JAZF1: variants seen among roughly 807,000 people sequenced by gnomAD.
JAZF1 encodes juxtaposed with another zinc finger protein 1.
JAZF1 carries 8 observed loss-of-function variants against 26.4 expected under a neutral mutation model. The observed-to-expected ratio is 0.30, with a 90% CI of 0.18 to 0.55. The LOEUF (loss-of-function observed/expected upper bound fraction) is 0.55. JAZF1 is among the 20% of genes least tolerant of loss of function. JAZF1 has a pLI of 0.94. For missense variants in JAZF1, 199 were observed against 322.0 expected (o/e 0.62, Z 2.92); for synonymous variants, 126 against 122.3 (o/e 1.03, Z -0.20).
At chr7:27,912,334 C>T (rs1166257502) in intron 2 of JAZF1, among the ~76,000 whole-genome samples, 2 of 152,294 alleles carry the variant, frequency 1.3e-5, no homozygotes, top group African/African-American at 2.4e-5. Context: ...GAGAAAAAGT[C>T]GACTCCTTTT....
intron 3 of JAZF1, among the ~76,000 whole-genome samples, chr7:27,887,892 A>T (rs1783896791): frequency 6.6e-6 from 1 of 152,230 alleles, no homozygotes. Flanking sequence ...CTGGGGAAGC[A>T]GAATTAGCCA....
chr7:28,038,958 A>G (rs1397276877), intron 1 of JAZF1, among the ~76,000 whole-genome samples: 1 of 152,210 alleles, frequency 6.6e-6, no homozygotes, highest in Non-Finnish European at 1.5e-5. Context: ...ACAAAGCAGA[A>G]TGTAAGCAGG....
chr7:28,065,679 A>T (rs1783869874), intron 1 of JAZF1, among the ~76,000 whole-genome samples: 1 of 152,168 alleles, frequency 6.6e-6, no homozygotes, highest in African/African-American at 2.4e-5. Flanking sequence ...GGTTAATGTG[A>T]TAGCTAAAGA....
At chr7:28,032,731 T>C (rs759090933) in intron 1 of JAZF1, among the ~76,000 whole-genome samples, 39 of 152,276 alleles carry the variant, frequency 2.6e-4, no homozygotes, top group Admixed American at 7.2e-4. Context: ...CACAAAAAGA[T>C]TGAAAGCTTT....
chr7:28,044,956 G>A (rs1583527668), intron 1 of JAZF1, among the ~76,000 whole-genome samples: 1 of 152,122 alleles, frequency 6.6e-6, no homozygotes, highest in South Asian at 2.1e-4. Flanking sequence ...AAAAGCAAAT[G>A]AGAAGGAGTT....
At chr7:28,141,386 G>T (rs1464283010) in intron 1 of JAZF1, among the ~76,000 whole-genome samples, 1 of 152,216 alleles carries the variant, frequency 6.6e-6, no homozygotes, top group Non-Finnish European at 1.5e-5. Context: ...TGGAATGCCA[G>T]AAAATTCCTG....
At chr7:28,077,347 A>G (rs936536331) in intron 1 of JAZF1, among the ~76,000 whole-genome samples, 2 of 152,200 alleles carry the variant, frequency 1.3e-5, no homozygotes, top group African/African-American at 4.8e-5. Context: ...TGTGCAATAC[A>G]TTAATCCGCC....
At chr7:27,856,100 C>T (rs1021672902) in intron 3 of JAZF1, among the ~76,000 whole-genome samples, 2 of 152,192 alleles carry the variant, frequency 1.3e-5, no homozygotes, top group East Asian at 1.9e-4. Context: ...AATGAAGCTG[C>T]GGACCCTCGT....
intron 1 of JAZF1, among the ~76,000 whole-genome samples, chr7:28,010,904 C>G (rs1470505560): frequency 6.6e-6 from 1 of 152,152 alleles, no homozygotes; most frequent in South Asian, 2.1e-4. Flanking sequence ...GTCTGAATTC[C>G]CATTCTGGGG....
chr7:28,040,495 A>G (rs1783370904), intron 1 of JAZF1, among the ~76,000 whole-genome samples: 1 of 152,216 alleles, frequency 6.6e-6, no homozygotes, highest in Non-Finnish European at 1.5e-5. Flanking sequence ...GTCCTAAATG[A>G]TCAGCAGTTG....
At chr7:27,913,155 C>T (rs1784387362) in intron 2 of JAZF1, among the ~76,000 whole-genome samples, 1 of 151,302 alleles carries the variant, frequency 6.6e-6, no homozygotes, top group African/African-American at 2.4e-5. Context: ...CCTCATTAGG[C>T]CTTATGGGAC....
chr7:28,079,185 G>T (rs2127914848), intron 1 of JAZF1, among the ~76,000 whole-genome samples: 1 of 152,158 alleles, frequency 6.6e-6, no homozygotes, highest in East Asian at 1.9e-4. Flanking sequence ...TAGAGACAGG[G>T]TTTCACCAAG....
chr7:28,066,819 T>A (rs543172354), intron 1 of JAZF1, among the ~76,000 whole-genome samples: 1 of 152,010 alleles, frequency 6.6e-6, no homozygotes, highest in Non-Finnish European at 1.5e-5. Flanking sequence ...AAAACTCTAA[T>A]TGGAAAATCA....
intron 2 of JAZF1, among the ~76,000 whole-genome samples, chr7:27,914,166 A>C (rs1784407621): frequency 6.6e-6 from 1 of 152,156 alleles, no homozygotes; most frequent in Admixed American, 6.5e-5. Context: ...ATACTTGTAA[A>C]CTGGAAAGTT....
chr7:27,843,340 G>A (rs937007682), intron 3 of JAZF1: 7 of 152,224 alleles, frequency 4.6e-5, no homozygotes, highest in Non-Finnish European at 8.8e-5. Context: ...AAGCCACTTG[G>A]CTTTTATTTT....
At chr7:28,096,941 A>G (rs1333366730) in intron 1 of JAZF1, among the ~76,000 whole-genome samples, 1 of 152,230 alleles carries the variant, frequency 6.6e-6, no homozygotes, top group African/African-American at 2.4e-5. Flanking sequence ...GTTGTGGAAA[A>G]TATTACCAAG....
chr7:28,139,395 A>C (rs555591126), intron 1 of JAZF1, among the ~76,000 whole-genome samples: 1 of 152,340 alleles, frequency 6.6e-6, no homozygotes, highest in South Asian at 2.1e-4. Context: ...GGGTCATTGC[A>C]GATATAATTA....
At chr7:28,040,841 A>G (rs1382957969) in intron 1 of JAZF1, among the ~76,000 whole-genome samples, 1 of 152,210 alleles carries the variant, frequency 6.6e-6, no homozygotes, top group East Asian at 1.9e-4. Flanking sequence ...GAAGACCACA[A>G]TTCTCTAACA....
At chr7:27,849,027 G>A (rs1783080774) in intron 3 of JAZF1, among the ~76,000 whole-genome samples, 1 of 152,198 alleles carries the variant, frequency 6.6e-6, no homozygotes, top group African/African-American at 2.4e-5. Context: ...GCTGGGGTGT[G>A]GGAGGGTAAG....
Sources: gnomAD v4.1 joint callset for allele counts (sites outside exome capture counted in the v4.1 genomes callset) on GRCh38, gnomAD v4.1.1 for gene constraint, MANE v1.5 for transcripts, NCBI Gene and HGNC (gene_info 2026-07-23, HGNC 2026-07-21) for gene names.